Variants in DPYD observed in about 807,000 individuals in gnomAD.
DPYD encodes dihydropyrimidine dehydrogenase, also known as dihydropyrimidine dehydrogenase [NADP(+)].
DPYD carries 109 observed loss-of-function variants against 116.2 expected under a neutral mutation model. The ratio of observed to expected loss-of-function variants is 0.94; its 90% CI spans 0.80 to 1.10. The LOEUF is 1.10. DPYD is among the 50% of genes least tolerant of loss of function. The pLI is 0.00. For missense variants in DPYD, 1,302 were observed against 1,254.5 expected (o/e 1.04, Z -0.57); for synonymous variants, 440 against 432.0 (o/e 1.02, Z -0.23).
At chr1:97,804,948 G>T (rs1284766878) in intron 3 of DPYD, among the ~76,000 whole-genome samples, 1 of 151,764 alleles carries the variant, frequency 6.6e-6, no homozygotes, top group African/African-American at 2.4e-5. Flanking sequence ...TTATAAAAAA[G>T]ATAAATACTA....
chr1:97,721,590 G>T lies in DPYD; in HGVS notation c.403C>A (p.Leu135Ile). The T allele has an allele frequency of 1.2e-6, 2 of 1,611,914 alleles. No homozygotes were observed. The highest frequency in any genetic ancestry group is 2.2e-5 in the South Asian group (2 of 91,036). Residue 135 changes from leucine (L) to isoleucine (I), a missense_variant, in exon 5 of 23, where the codon CTT becomes ATT. Leu to Ile is a conservative substitution (Grantham distance 5). Coordinates refer to ENST00000370192, the MANE Select transcript of DPYD (RefSeq NM_000110.4). ...TCGMVCPTSD[L>I]CVGGCNLYAT... Reference sequence around the variant, plus strand: ...TATAAATTGCATCCACCTACACAAAGATCAGAGGTTGGACATACCATTCCA... The same window carrying T: ...TATAAATTGCATCCACCTACACAAATATCAGAGGTTGGACATACCATTCCA...
intron 13 of DPYD, among the ~76,000 whole-genome samples, chr1:97,453,697 C>T (rs1190591863): frequency 2.0e-5 from 3 of 151,984 alleles, no homozygotes; most frequent in African/African-American, 4.8e-5. Context: ...TACAATTCTA[C>T]CTTTAAGAAT....
intron 10 of DPYD, among the ~76,000 whole-genome samples, chr1:97,580,312 T>G (rs1475011067): frequency 6.6e-6 from 1 of 152,212 alleles, no homozygotes; most frequent in African/African-American, 2.4e-5. Flanking sequence ...CCTAAAAATA[T>G]TATTTAGAAG....
chr1:97,780,379 C>T (rs1666672578), intron 3 of DPYD, among the ~76,000 whole-genome samples: 1 of 152,158 alleles, frequency 6.6e-6, no homozygotes. Flanking sequence ...TTCACTAAAA[C>T]TTGTTTAAAC....
chr1:97,256,668 T>A (rs967900938), intron 18 of DPYD, among the ~76,000 whole-genome samples: 15 of 152,122 alleles, frequency 9.9e-5, no homozygotes, highest in Non-Finnish European at 1.6e-4. Context: ...CTCAGGTATA[T>A]CTTTATTAGC....
chr1:97,092,137 C>A (rs1217078553), intron 21 of DPYD, among the ~76,000 whole-genome samples: 1 of 152,164 alleles, frequency 6.6e-6, no homozygotes, highest in Non-Finnish European at 1.5e-5. Flanking sequence ...CTCCATTACA[C>A]TTGTCACCAT....
chr1:97,383,887 C>G (rs901926354), intron 14 of DPYD, among the ~76,000 whole-genome samples: 1 of 152,118 alleles, frequency 6.6e-6, no homozygotes, highest in African/African-American at 2.4e-5. Context: ...GCAGGAAGAT[C>G]GCTTGAGCCC....
intron 20 of DPYD, among the ~76,000 whole-genome samples, chr1:97,157,731 A>C (rs1410555316): frequency 6.6e-6 from 1 of 152,178 alleles, no homozygotes; most frequent in Non-Finnish European, 1.5e-5. Flanking sequence ...TTTCTGTGGA[A>C]TACAACTCTT....
rs868572161 is a variant in DPYD, at chr1:97,242,109, C to T, written c.2300-7115G>A. ...TTAGATTTTTAAGTGTAATTTGCAA[C>T]GTGTGTGTGCGTGTGTATATATATA... On this transcript the variant is annotated intron_variant, in intron 18 of 22. Transcript: ENST00000370192. Among the ~76,000 whole-genome samples the T allele has an allele frequency of 3.4e-4, 28 of 83,128 alleles. No individual in the cohort carries two copies. In the South Asian group the frequency reaches 9.3e-3, roughly 28 times the overall value. The allele number at this position is 83,128 out of a possible 152,430, so 54.5% of individuals were successfully genotyped here.
chr1:97,766,538 G>T (rs779357320), intron 3 of DPYD, among the ~76,000 whole-genome samples: 2 of 152,098 alleles, frequency 1.3e-5, no homozygotes, highest in Non-Finnish European at 2.9e-5. Flanking sequence ...GAGGCTTAAA[G>T]ACTATGATCA....
intron 13 of DPYD, among the ~76,000 whole-genome samples, chr1:97,496,311 C>T (rs1329983319): frequency 6.6e-6 from 1 of 151,942 alleles, no homozygotes; most frequent in African/African-American, 2.4e-5. Flanking sequence ...TATTCCTCTC[C>T]ACTCTATCCT....
chr1:97,316,451 C>A (rs1570498535), intron 16 of DPYD, among the ~76,000 whole-genome samples: 2 of 151,038 alleles, frequency 1.3e-5, no homozygotes, highest in African/African-American at 2.4e-5. Flanking sequence ...GAGGTGGAGG[C>A]TGCAGTGAGC....
Position 97,078,094 on chromosome 1 carries a change from A to G in DPYD, c.*882T>C, listed in dbSNP as rs1648910908. On this transcript the variant is annotated 3_prime_UTR_variant, in exon 23 of 23. Coordinates refer to ENST00000370192, the MANE Select transcript of DPYD (RefSeq NM_000110.4). ...ACACTTAATATATATTATCAACATT[A>G]TATTTTTCATTCTTGAATAATGAAG... The G allele has an allele frequency of 6.6e-6, 1 of 152,196 alleles. No homozygotes were observed. The highest frequency in any genetic ancestry group is 2.4e-5 in the African/African-American group (1 of 41,464). 9.4% of individuals were successfully genotyped at this position (152,196 alleles called of 1,614,324 possible).
intron 3 of DPYD, among the ~76,000 whole-genome samples, chr1:97,802,676 G>C (rs1309752528): frequency 6.6e-6 from 1 of 151,834 alleles, no homozygotes; most frequent in Non-Finnish European, 1.5e-5. Flanking sequence ...AGAAGTCCCA[G>C]TTCTCCCACT....
intron 16 of DPYD, among the ~76,000 whole-genome samples, chr1:97,369,572 T>C (rs914270737): frequency 6.6e-5 from 10 of 152,106 alleles, no homozygotes; most frequent in African/African-American, 1.9e-4. Context: ...CTCTGCCTTG[T>C]GAAAAATGGA....
intron 13 of DPYD, among the ~76,000 whole-genome samples, chr1:97,462,252 G>A (rs1570772063): frequency 6.6e-6 from 1 of 152,306 alleles, no homozygotes; most frequent in South Asian, 2.1e-4. Context: ...GGAGGGACCT[G>A]AAAGCAAATG....
At chr1:97,770,656 G>A (rs1379180132) in intron 3 of DPYD, among the ~76,000 whole-genome samples, 1 of 151,998 alleles carries the variant, frequency 6.6e-6, no homozygotes, top group African/African-American at 2.4e-5. Context: ...TTCCATACAG[G>A]CTGACTAGAT....
At chr1:97,759,034 A>G (rs769715108) in intron 3 of DPYD, among the ~76,000 whole-genome samples, 1 of 152,160 alleles carries the variant, frequency 6.6e-6, no homozygotes, top group African/African-American at 2.4e-5. Context: ...GCAGCTATTC[A>G]AGACACAGTT....
chr1:97,440,242 C>T (rs1275834891), intron 14 of DPYD, among the ~76,000 whole-genome samples: 1 of 138,960 alleles, frequency 7.2e-6, no homozygotes, highest in East Asian at 2.1e-4. Flanking sequence ...CCAGTCTGGG[C>T]AACAAAAGCA....
Sources: allele counts gnomAD v4.1 joint callset (sites outside exome capture counted in the v4.1 genomes callset), GRCh38; gene constraint gnomAD v4.1.1; transcripts MANE v1.5; gene names NCBI Gene and HGNC (gene_info 2026-07-23, HGNC 2026-07-21).